LIPG: variants seen among roughly 807,000 people sequenced by gnomAD.
The protein encoded by LIPG is endothelial lipase.
A neutral mutation model predicts 51.8 loss-of-function variants in LIPG; 34 were observed. That is an observed-to-expected ratio of 0.66 (90% CI 0.50 to 0.87). The LOEUF is 0.87. LIPG is among the 40% of genes least tolerant of loss of function. LIPG has a pLI of 0.00. For synonymous variants in LIPG, 246 were observed against 246.1 expected (o/e 1.00, Z 0.00); for missense variants, 580 against 652.7 (o/e 0.89, Z 1.21).
rs1474785417 is a variant in LIPG, at chr18:49,591,594, A to G, written c.*1072A>G. 1 of 152,228 alleles carries G rather than the reference A, an allele frequency of 6.6e-6. No homozygotes were observed. The highest frequency in any genetic ancestry group is 2.4e-5 in the African/African-American group (1 of 41,454). 9.4% of individuals were successfully genotyped at this position (152,228 alleles called of 1,614,324 possible). On this transcript the variant is annotated 3_prime_UTR_variant, in exon 10 of 10. Coordinates refer to ENST00000261292, the MANE Select transcript of LIPG (RefSeq NM_006033.4). The stretch of plus-strand genomic sequence containing the variant: ...CCTGCCAGACAGAGCTGGTTCTAAG[A>G]TTTAATACAGTGCTTTTTTTCCTCT...
chr18:49,565,558 C>A lies in LIPG; in HGVS notation c.279+60C>A. On this transcript the variant is annotated intron_variant, in intron 2 of 9. Coordinates refer to ENST00000261292, the MANE Select transcript of LIPG (RefSeq NM_006033.4). ...AAGATTTGATTCCCTTTGTTTTGGT[C>A]AATTAGAAAGAATTCTGGTGTTTCC... 3 of 1,583,454 alleles carry A rather than the reference C, an allele frequency of 1.9e-6. No homozygotes were observed. The South Asian group carries it at 3.3e-5, about 18-fold the overall frequency.
chr18:49,596,117 AC>A lies in LIPG; in HGVS notation c.*5599del, dbSNP rs1228050001. ...AACTACATAACAAACCTGCATACGT[AC>A]CCCTGAAACTAAAGTAGAAGTTAAA... On this transcript the variant is annotated 3_prime_UTR_variant, in exon 10 of 10. Transcript: ENST00000261292. 6.6e-6 allele frequency: 1 copy of A among 152,178 alleles called. No individual in the cohort carries two copies. The highest frequency in any genetic ancestry group is 1.5e-5 in the Non-Finnish European group (1 of 68,044). The allele number at this position is 152,178 out of a possible 1,614,324, so 9.4% of individuals were successfully genotyped here.
chr18:49,577,738 CG>C lies in LIPG; in HGVS notation c.793+2155del, dbSNP rs1370852020. Among the ~76,000 whole-genome samples, 324 of 71,474 alleles carry C rather than the reference CG, an allele frequency of 4.5e-3. 39 individuals are homozygous for C. The highest frequency in any genetic ancestry group is 0.024 in the African/African-American group (290 of 12,144). 46.9% of individuals were successfully genotyped at this position (71,474 alleles called of 152,430 possible). ...CTCCCGGATGGCACGGCTGGCCGGG[CG>C]GGGGGGCTGACCCCCCCACCTCCCT... On this transcript the variant is annotated intron_variant, in intron 5 of 9. Coordinates refer to ENST00000261292, the MANE Select transcript of LIPG (RefSeq NM_006033.4).
intron 1 of LIPG, among the ~76,000 whole-genome samples, chr18:49,564,131 C>T (rs77934584): frequency 0.016 from 2,393 of 152,292 alleles, 29 homozygotes; most frequent in Middle Eastern, 0.024. Context: ...CCCCCTCTCT[C>T]CCTCCTTTCC....
intron 1 of LIPG, among the ~76,000 whole-genome samples, chr18:49,564,030 A>T (rs990798046): frequency 5.3e-5 from 8 of 152,088 alleles, no homozygotes; most frequent in Middle Eastern, 3.2e-3. Flanking sequence ...GCTTTTGTTC[A>T]TTACTTTCAT....
chr18:49,582,457 G>A lies in LIPG; in HGVS notation c.1132G>A (p.Asp378Asn). 1 of 1,614,232 alleles carries A rather than the reference G, an allele frequency of 6.2e-7. No homozygotes were observed. The highest frequency in any genetic ancestry group is 8.5e-7 in the Non-Finnish European group (1 of 1,180,052). ...FYVTLYGTNA[D>N]SQTLPLEIVE... is the part of the protein sequence containing the mutation. Reference sequence around the variant, plus strand: ...CGTCACCCTTTATGGCACTAATGCAGATTCCCAGACTCTGCCACTGGAAAT... The same window carrying A: ...CGTCACCCTTTATGGCACTAATGCAAATTCCCAGACTCTGCCACTGGAAAT... The change falls in exon 7 of 10, where the codon GAT (aspartate) becomes AAT (asparagine). Residue 378 changes from aspartate to asparagine, a missense_variant. Physicochemically the swap from Asp to Asn is conservative, Grantham distance 23. Coordinates refer to ENST00000261292, the MANE Select transcript of LIPG (RefSeq NM_006033.4).
At chr18:49,576,302 T>G (rs1238140781) in intron 5 of LIPG, among the ~76,000 whole-genome samples, 1 of 152,122 alleles carries the variant, frequency 6.6e-6, no homozygotes, top group Non-Finnish European at 1.5e-5. Flanking sequence ...CTAGTCTTTT[T>G]TCTTTGCAAA....
rs1434211025 is a variant in LIPG, at chr18:49,577,848, A to AC, written c.793+2265dup. On this transcript the variant is annotated intron_variant, in intron 5 of 9. Coordinates refer to ENST00000261292, the MANE Select transcript of LIPG (RefSeq NM_006033.4). The stretch of plus-strand genomic sequence containing the variant: ...GGCGGCTGGCCGGGTGGGGGGGCTG[A>AC]CCCCCCCATCTCCCTCCCAGACGGG... 2.5e-4 allele frequency among the ~76,000 whole-genome samples: 22 copies of AC among 87,748 alleles called. No homozygotes were observed. In the East Asian group the frequency reaches 5.2e-3, roughly 21 times the overall value. 57.6% of individuals were successfully genotyped at this position (87,748 alleles called of 152,430 possible).
chr18:49,572,263 T>C (rs2084671486), intron 4 of LIPG, among the ~76,000 whole-genome samples: 1 of 152,008 alleles, frequency 6.6e-6, no homozygotes. Context: ...GAGGTTGCAG[T>C]GGGCTGAGAT....
chr18:49,582,769 C>T (rs2084834766), intron 7 of LIPG, among the ~76,000 whole-genome samples: 1 of 152,244 alleles, frequency 6.6e-6, no homozygotes, highest in African/African-American at 2.4e-5. Flanking sequence ...ACTGCTGTTT[C>T]ATTTCAGGCA....
chr18:49,577,529 T>G (rs2084732736), intron 5 of LIPG, among the ~76,000 whole-genome samples: 4 of 149,394 alleles, frequency 2.7e-5, no homozygotes, highest in Non-Finnish European at 5.9e-5. Flanking sequence ...AATGAGCTGC[T>G]GGGCACACCT....
chr18:49,565,522 C>A (rs754181199), intron 2 of LIPG, 24 bp downstream of exon 2: 3 of 1,613,118 alleles, frequency 1.9e-6, no homozygotes, highest in Non-Finnish European at 8.5e-7. Context: ...GGGAGCTCTG[C>A]GGCTTTATAT....
Position 49,567,012 on chromosome 18 carries a change from G to T in LIPG, c.280-430G>T, listed in dbSNP as rs142278359. ...GGTCCTGCTCATGTGCAAATGTTTGGTCCCTGAGCAGCCAATGTGCAGATT... is the reference window on the plus strand; with the variant it reads ...GGTCCTGCTCATGTGCAAATGTTTGTTCCCTGAGCAGCCAATGTGCAGATT... On this transcript the variant is annotated intron_variant, in intron 2 of 9. Transcript: ENST00000261292. Among the ~76,000 whole-genome samples the T allele has an allele frequency of 8.5e-5, 13 of 152,316 alleles. No individual in the cohort carries two copies. In the East Asian group the frequency reaches 2.5e-3, roughly 29 times the overall value.
intron 4 of LIPG, among the ~76,000 whole-genome samples, chr18:49,572,165 C>A (rs1331010174): frequency 6.6e-6 from 1 of 151,926 alleles, no homozygotes; most frequent in African/African-American, 2.4e-5. Flanking sequence ...ACTAAAAGTA[C>A]AAAAATTAGC....
chr18:49,578,118 G>C (rs1600556384), intron 5 of LIPG, among the ~76,000 whole-genome samples: 1 of 55,440 alleles, frequency 1.8e-5, no homozygotes. Flanking sequence ...CGGGCGGGGG[G>C]CTGACCCCCC....
Position 49,593,027 on chromosome 18 carries a change from C to G in LIPG, c.*2505C>G, listed in dbSNP as rs537031413. The G allele has an allele frequency of 2.0e-5, 3 of 147,008 alleles. No individual in the cohort carries two copies. The East Asian group carries it at 6.4e-4, about 32-fold the overall frequency. 9.1% of individuals were successfully genotyped at this position (147,008 alleles called of 1,614,324 possible). A position where few individuals can be genotyped will look rare whatever the true frequency, so the allele number is the denominator to read the frequency against. On this transcript the variant is annotated 3_prime_UTR_variant, in exon 10 of 10. Coordinates refer to ENST00000261292, the MANE Select transcript of LIPG (RefSeq NM_006033.4). ...CTCACTACAACCTCTGCCTCCTGGG[C>G]TCAGGTGGTCCTCCCACCTCAGCCT...
chr18:49,578,113 G>A (rs1459115454), intron 5 of LIPG, among the ~76,000 whole-genome samples: 3 of 62,670 alleles, frequency 4.8e-5, no homozygotes, highest in African/African-American at 1.2e-4. Context: ...CTGGCCGGGC[G>A]GGGGGCTGAC....
intron 6 of LIPG, 142 bp from the exon 7 acceptor site, chr18:49,582,220 A>G (rs1333912902): frequency 3.0e-5 from 29 of 957,928 alleles, no homozygotes; most frequent in Non-Finnish European, 1.7e-6. Flanking sequence ...GGACAGAACA[A>G]GAGCAGATGG....
chr18:49,578,352 G>C (rs1382129294), intron 5 of LIPG, among the ~76,000 whole-genome samples: 2 of 131,860 alleles, frequency 1.5e-5, no homozygotes, highest in African/African-American at 6.1e-5. Flanking sequence ...ACGGGGTCTC[G>C]GCCGGGCAGA....
Sources: gnomAD v4.1 joint callset for allele counts (sites outside exome capture counted in the v4.1 genomes callset) on GRCh38, gnomAD v4.1.1 for gene constraint, MANE v1.5 for transcripts, NCBI Gene and HGNC (gene_info 2026-07-23, HGNC 2026-07-21) for gene names.